KIF6: variants seen among roughly 807,000 people sequenced by gnomAD.
KIF6 encodes kinesin family member 6, also known as kinesin-like protein KIF6.
A neutral mutation model predicts 112.7 loss-of-function variants in KIF6; 106 were observed. The observed-to-expected ratio is 0.94, with a 90% confidence interval of 0.80 to 1.11. The LOEUF (loss-of-function observed/expected upper bound fraction) is 1.11. KIF6 is among the 50% of genes least tolerant of loss of function. The pLI is 0.00. For synonymous variants in KIF6, 339 were observed against 339.9 expected, an observed-to-expected ratio of 1.00 and a Z score of 0.03; for missense variants, 929 against 964.0, an observed-to-expected ratio of 0.96 and a Z score of 0.48.
chr6:39,607,423 G>T (rs1156630295), intron 6 of KIF6, among the ~76,000 whole-genome samples: 1 of 152,064 alleles, frequency 6.6e-6, no homozygotes, highest in Admixed American at 6.5e-5. Flanking sequence ...GAACAAGAAA[G>T]AAATGCTTGT....
At chr6:39,362,040 C>A (rs1287782122) in intron 17 of KIF6, among the ~76,000 whole-genome samples, 1 of 152,154 alleles carries the variant, frequency 6.6e-6, no homozygotes, top group Non-Finnish European at 1.5e-5. Flanking sequence ...GCTTGAGGCT[C>A]CTCACTCTGT....
intron 10 of KIF6, among the ~76,000 whole-genome samples, chr6:39,552,984 CTA>C (rs1484244397): frequency 6.6e-6 from 1 of 152,132 alleles, no homozygotes; most frequent in African/African-American, 2.4e-5. Flanking sequence ...CCAAAGGAAA[CTA>C]TACAAAAATT....
At chr6:39,511,599 C>A (rs1175734997) in intron 13 of KIF6, among the ~76,000 whole-genome samples, 1 of 152,162 alleles carries the variant, frequency 6.6e-6, no homozygotes, top group Non-Finnish European at 1.5e-5. Flanking sequence ...TGGGTATATA[C>A]CCAAAGGATT....
intron 13 of KIF6, among the ~76,000 whole-genome samples, chr6:39,536,447 A>G (rs1778431463): frequency 6.6e-6 from 1 of 151,680 alleles, no homozygotes; most frequent in South Asian, 2.1e-4. Context: ...CTCTATGCAA[A>G]TAAACTAGAA....
At position 39,613,309 on chromosome 6, in the gene KIF6, T is replaced by G; in HGVS notation, c.519A>C (p.Thr173=). Reference sequence around the variant, plus strand: ...TGTTCTGATCAGGATCCTCCAGTATTGTCACTTTCCTAAGCAAATGGGAAG... The same window carrying G: ...TGTTCTGATCAGGATCCTCCAGTATGGTCACTTTCCTAAGCAAATGGGAAG... ...ASSLEDLPKV[T]ILEDPDQNIH... The change falls in exon 6 of 23, where the codon ACA becomes ACC. Residue 173 remains threonine (T), a synonymous_variant. Coordinates refer to ENST00000287152, the MANE Select transcript of KIF6 (RefSeq NM_145027.6). 6.3e-7 allele frequency: 1 copy of G among 1,584,930 alleles called. No homozygotes were observed. Among genetic ancestry groups the G allele is most frequent in the Non-Finnish European group, 8.6e-7 (1 of 1,168,444 alleles).
At chr6:39,355,098 A>G (rs563500632) in intron 19 of KIF6, among the ~76,000 whole-genome samples, 1 of 151,864 alleles carries the variant, frequency 6.6e-6, no homozygotes, top group Non-Finnish European at 1.5e-5. Flanking sequence ...AGGCAGGAGG[A>G]TTGCCTGAGC....
intron 13 of KIF6, among the ~76,000 whole-genome samples, chr6:39,438,974 T>C (rs1023108253): frequency 4.6e-5 from 7 of 152,244 alleles, no homozygotes; most frequent in Non-Finnish European, 8.8e-5. Context: ...TACAGTAACA[T>C]GCTGTACAGG....
At chr6:39,585,076 A>G in intron 8 of KIF6, 92 bp from the exon 9 acceptor site, 3 of 761,604 alleles carry the variant, frequency 3.9e-6, no homozygotes, top group Non-Finnish European at 4.5e-6. Flanking sequence ...GAAAAAAGAT[A>G]CACACCTAAA....
chr6:39,469,311 A>G (rs1214011327), intron 13 of KIF6, among the ~76,000 whole-genome samples: 1 of 152,162 alleles, frequency 6.6e-6, no homozygotes, highest in Non-Finnish European at 1.5e-5. Flanking sequence ...AGAAATGAAT[A>G]CAACTATATA....
Position 39,539,904 on chromosome 6 carries a change from A to G in KIF6, c.1645+99T>C, listed in dbSNP as rs563851487. 32 of 846,478 alleles carry G rather than the reference A, an allele frequency of 3.8e-5. 2 individuals carry two copies. In the South Asian group the frequency reaches 6.0e-4, roughly 16 times the overall value. The allele number at this position is 846,478 out of a possible 1,614,324, so 52.4% of individuals were successfully genotyped here. On this transcript the variant is annotated intron_variant, in intron 13 of 22. Coordinates refer to ENST00000287152, the MANE Select transcript of KIF6 (RefSeq NM_145027.6). The stretch of plus-strand genomic sequence containing the variant: ...ATAGTTATAAAAAATAATTCTAACA[A>G]AGAAATTGAGCCTTCATCCTGATAC...
At chr6:39,431,874 G>A (rs1771181911) in intron 13 of KIF6, among the ~76,000 whole-genome samples, 1 of 152,034 alleles carries the variant, frequency 6.6e-6, no homozygotes, top group South Asian at 2.1e-4. Flanking sequence ...ACCTCCCGGA[G>A]TGAGGGTCAG....
At chr6:39,679,784 T>G (rs1401324301) in intron 3 of KIF6, among the ~76,000 whole-genome samples, 2 of 150,476 alleles carry the variant, frequency 1.3e-5, no homozygotes, top group Non-Finnish European at 3.0e-5. Flanking sequence ...CCCGGCTAAT[T>G]TTTTGTATTT....
chr6:39,417,624 A>C (rs1770015543), intron 15 of KIF6, among the ~76,000 whole-genome samples: 1 of 152,132 alleles, frequency 6.6e-6, no homozygotes, highest in African/African-American at 2.4e-5. Context: ...ACCTGTGCAG[A>C]TTTTAAGGCA....
intron 19 of KIF6, among the ~76,000 whole-genome samples, chr6:39,347,378 AGCTGTGCCTGCT>A (rs1490835679): frequency 3.3e-5 from 5 of 152,190 alleles, no homozygotes; most frequent in Admixed American, 1.3e-4. Context: ...CATTAGATGC[AGCTGTGCCTGCT>A]CACCTAGGCT....
chr6:39,419,569 A>G (rs1770197442), intron 15 of KIF6, among the ~76,000 whole-genome samples: 1 of 152,108 alleles, frequency 6.6e-6, no homozygotes, highest in Admixed American at 6.5e-5. Context: ...TATGCTAAGC[A>G]GAAGCTTTGG....
intron 9 of KIF6, among the ~76,000 whole-genome samples, chr6:39,583,752 G>T (rs1367672331): frequency 8.2e-6 from 1 of 121,916 alleles, no homozygotes; most frequent in African/African-American, 3.1e-5. Context: ...ATTTTCTAGA[G>T]AAATAAGAAA....
chr6:39,376,814 T>C (rs1927777), intron 16 of KIF6, among the ~76,000 whole-genome samples: 96,290 of 152,098 alleles, frequency 0.63, 30,729 homozygotes, highest in Non-Finnish European at 0.66. Flanking sequence ...GCCATGATAT[T>C]GGAAGAAAGA....
intron 16 of KIF6, among the ~76,000 whole-genome samples, chr6:39,384,497 T>C (rs1767238146): frequency 6.6e-6 from 1 of 152,222 alleles, no homozygotes; most frequent in Non-Finnish European, 1.5e-5. Context: ...GGGCCAACAG[T>C]GGGAAGCTCA....
intron 13 of KIF6, among the ~76,000 whole-genome samples, chr6:39,464,746 C>G (rs187417527): frequency 2.0e-5 from 3 of 152,256 alleles, no homozygotes; most frequent in Admixed American, 2.0e-4. Flanking sequence ...CCACAGGAGC[C>G]CACTGGACTC....
Sources: allele counts gnomAD v4.1 joint callset (sites outside exome capture counted in the v4.1 genomes callset), GRCh38; gene constraint gnomAD v4.1.1; transcripts MANE v1.5; gene names NCBI Gene and HGNC (gene_info 2026-07-23, HGNC 2026-07-21).